TRAF3: variants seen among roughly 807,000 people sequenced by gnomAD.
The protein encoded by TRAF3 is TNF receptor associated factor 3.
Under a neutral mutation model 62.3 loss-of-function variants are expected in TRAF3, and 13 were observed. That is an observed-to-expected ratio of 0.21 (90% CI 0.14 to 0.33). TRAF3 has a LOEUF of 0.33. Among genes scored for constraint, TRAF3 ranks in the 10% least tolerant of loss-of-function variants. The pLI is 1.00. For missense variants in TRAF3, 440 were observed against 741.8 expected (o/e 0.59, Z 4.73); for synonymous variants, 269 against 283.4 (o/e 0.95, Z 0.51).
At position 102,903,535 on chromosome 14, in the gene TRAF3, G is replaced by C; in HGVS notation, c.1135+106G>C. ...GCTATGTTAGGTACATGTGCCTTAG[G>C]ACAGTTTTTTCTAATTATGGGTAAC... On this transcript the variant is annotated intron_variant, in intron 11 of 11. Coordinates refer to ENST00000392745, the MANE Select transcript of TRAF3 (RefSeq NM_145725.3). The surrounding 1 kb of genome is among the most constrained non-coding windows in gnomAD (Gnocchi z 6.4). 6.6e-7 allele frequency: 1 copy of C among 1,514,226 alleles called. No homozygotes were observed. The highest frequency in any genetic ancestry group is 1.2e-5 in the South Asian group (1 of 85,990). 93.8% of individuals were successfully genotyped at this position (1,514,226 alleles called of 1,614,324 possible).
intron 2 of TRAF3, among the ~76,000 whole-genome samples, chr14:102,854,037 A>G (rs1161017988): frequency 3.3e-5 from 5 of 152,166 alleles, no homozygotes; most frequent in Non-Finnish European, 7.3e-5. Flanking sequence ...GGAATCATAC[A>G]ATATGTGGCC....
At chr14:102,799,324 A>G (rs1898262267) in intron 1 of TRAF3, among the ~76,000 whole-genome samples, 1 of 152,208 alleles carries the variant, frequency 6.6e-6, no homozygotes, top group Non-Finnish European at 1.5e-5. Context: ...CCATCTTAGC[A>G]TCTCGTGAGC....
chr14:102,831,230 G>C (rs1900662911), intron 2 of TRAF3, among the ~76,000 whole-genome samples: 1 of 152,130 alleles, frequency 6.6e-6, no homozygotes, highest in Non-Finnish European at 1.5e-5. Flanking sequence ...GTCCTTAAAA[G>C]GGTGCAGTTT....
intron 2 of TRAF3, among the ~76,000 whole-genome samples, chr14:102,867,045 G>C (rs922694039): frequency 2.0e-5 from 3 of 152,202 alleles, no homozygotes; most frequent in African/African-American, 4.8e-5. Context: ...ACTGATAACT[G>C]TAAGTGTTGG....
chr14:102,805,004 T>A (rs1439597353), intron 1 of TRAF3, among the ~76,000 whole-genome samples: 1 of 152,238 alleles, frequency 6.6e-6, no homozygotes, highest in Non-Finnish European at 1.5e-5. Context: ...TGACCTTCCC[T>A]GGACGTAGAA....
intron 1 of TRAF3, among the ~76,000 whole-genome samples, chr14:102,815,988 C>T (rs528954674): frequency 3.3e-5 from 5 of 152,174 alleles, no homozygotes; most frequent in Middle Eastern, 6.8e-3. Flanking sequence ...AGAGCCAAAC[C>T]GTATTACTAT....
intron 2 of TRAF3, among the ~76,000 whole-genome samples, chr14:102,843,883 ATAATG>A (rs1267820641): frequency 6.6e-6 from 1 of 152,246 alleles, no homozygotes; most frequent in Non-Finnish European, 1.5e-5. Context: ...ACAGATATAA[ATAATG>A]AAATGAAATG....
chr14:102,905,952 A>G lies in TRAF3; in HGVS notation c.*168A>G. The G allele has an allele frequency of 1.7e-6, 1 of 599,376 alleles. No individual in the cohort carries two copies. Among genetic ancestry groups the G allele is most frequent in the Non-Finnish European group, 3.0e-6 (1 of 337,656 alleles). The allele number at this position is 599,376 out of a possible 1,614,324, so 37.1% of individuals were successfully genotyped here. On this transcript the variant is annotated 3_prime_UTR_variant, in exon 12 of 12. Coordinates refer to ENST00000392745, the MANE Select transcript of TRAF3 (RefSeq NM_145725.3). ...GGAGCCACGCGTGAGCACACCTGAC[A>G]CGTTTTATAATAGACTAGCCACACT...
Position 102,905,226 on chromosome 14 carries a change from C to G in TRAF3, c.1149C>G (p.Ser383=), listed in dbSNP as rs770182773. The G allele has an allele frequency of 1.2e-6, 2 of 1,613,734 alleles. No individual in the cohort carries two copies. The highest frequency in any genetic ancestry group is 2.2e-5 in the East Asian group (1 of 44,884). Residue 383 remains serine, a synonymous_variant, in exon 12 of 12, where the codon TCC becomes TCG. Transcript: ENST00000392745. The stretch of plus-strand genomic sequence containing the variant: ...CACCTGTGGCAGGCCTGCTGGAGTC[C>G]CAGCTGAGCCGGCATGACCAGATGC... ...QVARNTGLLE[S]QLSRHDQMLS...
intron 2 of TRAF3, among the ~76,000 whole-genome samples, chr14:102,851,449 A>G (rs1183250136): frequency 6.6e-6 from 1 of 152,160 alleles, no homozygotes; most frequent in East Asian, 1.9e-4. Flanking sequence ...ACAGATTAGA[A>G]TTTACCATCA....
intron 6 of TRAF3, among the ~76,000 whole-genome samples, chr14:102,884,166 A>T (rs1207497684): frequency 6.7e-6 from 1 of 149,690 alleles, no homozygotes; most frequent in Non-Finnish European, 1.5e-5. Context: ...TGCCCCTCTC[A>T]GTTTCTGGAG....
intron 9 of TRAF3, among the ~76,000 whole-genome samples, chr14:102,894,001 T>C (rs993953130): frequency 6.6e-6 from 1 of 152,210 alleles, no homozygotes; most frequent in African/African-American, 2.4e-5. Context: ...TTCATCTGTC[T>C]TAGAAAATAG....
chr14:102,876,115 A>G (rs1888633324), intron 5 of TRAF3, among the ~76,000 whole-genome samples: 1 of 152,246 alleles, frequency 6.6e-6, no homozygotes, highest in Non-Finnish European at 1.5e-5. Flanking sequence ...CTTAGCAGAT[A>G]TTCATTTATC....
At chr14:102,811,846 C>CAAGTG (rs1899186970) in intron 1 of TRAF3, among the ~76,000 whole-genome samples, 1 of 142,514 alleles carries the variant, frequency 7.0e-6, no homozygotes, top group Non-Finnish European at 1.5e-5. Flanking sequence ...CTCGTGGGCT[C>CAAGTG]AAGTGATCCT....
At chr14:102,807,798 T>C (rs1898863220) in intron 1 of TRAF3, among the ~76,000 whole-genome samples, 1 of 152,228 alleles carries the variant, frequency 6.6e-6, no homozygotes, top group Admixed American at 6.5e-5. Flanking sequence ...CACCCTGTTT[T>C]TATGGCACAC....
intron 1 of TRAF3, among the ~76,000 whole-genome samples, chr14:102,800,695 C>CTTTTTTTTTTT (rs369818329): frequency 1.5e-5 from 2 of 133,178 alleles, no homozygotes; most frequent in Non-Finnish European, 1.6e-5. Flanking sequence ...TGTTCTTTTC[C>CTTTTTTTTTTT]TTTTTTTTTT....
intron 9 of TRAF3, chr14:102,895,269 C>T: frequency 3.2e-6 from 1 of 314,416 alleles, no homozygotes; most frequent in Non-Finnish European, 6.3e-6. Context: ...GGAGTAAAAT[C>T]CTAGGAAAGT....
At chr14:102,865,086 C>T (rs1294207891) in intron 2 of TRAF3, among the ~76,000 whole-genome samples, 1 of 152,174 alleles carries the variant, frequency 6.6e-6, no homozygotes. Context: ...GGGATTCTTA[C>T]ACTTCAGATC....
At chr14:102,845,829 A>G (rs573592596) in intron 2 of TRAF3, among the ~76,000 whole-genome samples, 1 of 151,842 alleles carries the variant, frequency 6.6e-6, no homozygotes, top group East Asian at 2.0e-4. Flanking sequence ...AAAAGTTTTG[A>G]ATTTGCTGGG....
Sources: gnomAD v4.1 joint callset for allele counts (sites outside exome capture counted in the v4.1 genomes callset) on GRCh38, gnomAD v4.1.1 for gene constraint, Gnocchi (gnomAD v3.1) non-coding constraint, MANE v1.5 for transcripts, NCBI Gene and HGNC (gene_info 2026-07-23, HGNC 2026-07-21) for gene names.